Variants in CDH10 observed in about 807,000 individuals in gnomAD.
CDH10 encodes cadherin-10.
In CDH10, 30 loss-of-function variants were observed where a neutral mutation model predicts 73.1. The ratio of observed to expected loss-of-function variants is 0.41; its 90% CI spans 0.31 to 0.56. The LOEUF is 0.56. Ranked by LOEUF, CDH10 falls within the 20% of genes least tolerant of loss-of-function variation. CDH10 has a pLI of 0.27. For missense variants in CDH10, 815 were observed against 973.7 expected, an observed-to-expected ratio of 0.84 and a Z score of 2.17; for synonymous variants, 345 against 348.2, an observed-to-expected ratio of 0.99 and a Z score of 0.10.
At chr5:24,571,908 T>A (rs919878454) in intron 2 of CDH10, among the ~76,000 whole-genome samples, 1 of 151,746 alleles carries the variant, frequency 6.6e-6, no homozygotes, top group Non-Finnish European at 1.5e-5. Flanking sequence ...CAAGTAAGCA[T>A]GAGCCAGCTC....
Position 24,624,836 on chromosome 5 carries a change from C to T in CDH10, c.-124+19758G>A, listed in dbSNP as rs561334256. On this transcript the variant is annotated intron_variant, in intron 1 of 11. Transcript: ENST00000264463. ...TGCCTGCATGTTCTCACACAAAGAA[C>T]TGTATTACCTCAAAGAAATACAATA... Among the ~76,000 whole-genome samples, 5 of 152,234 alleles carry T rather than the reference C, an allele frequency of 3.3e-5. No homozygotes were observed. The East Asian group carries it at 5.8e-4, about 18-fold the overall frequency.
chr5:24,555,445 G>A (rs1744732353), intron 2 of CDH10, among the ~76,000 whole-genome samples: 1 of 152,104 alleles, frequency 6.6e-6, no homozygotes, highest in African/African-American at 2.4e-5. Flanking sequence ...AAGACACAAT[G>A]AGCTCAAACA....
intron 1 of CDH10, among the ~76,000 whole-genome samples, chr5:24,636,321 C>A (rs1197860848): frequency 6.6e-6 from 1 of 151,890 alleles, no homozygotes; most frequent in Admixed American, 6.6e-5. Context: ...TCTGGTGCCA[C>A]GATCCATGCT....
At chr5:24,523,918 A>C (rs1242753142) in intron 5 of CDH10, among the ~76,000 whole-genome samples, 3 of 152,096 alleles carry the variant, frequency 2.0e-5, no homozygotes, top group African/African-American at 7.2e-5. Context: ...TATATTGATG[A>C]TCTATCAGTT....
intron 5 of CDH10, among the ~76,000 whole-genome samples, chr5:24,514,054 T>C (rs536772104): frequency 6.6e-6 from 1 of 152,290 alleles, no homozygotes; most frequent in African/African-American, 2.4e-5. Flanking sequence ...CTGAGTGTAG[T>C]AGCCACCATA....
At chr5:24,555,091 A>C (rs1236031365) in intron 2 of CDH10, among the ~76,000 whole-genome samples, 1 of 151,914 alleles carries the variant, frequency 6.6e-6, no homozygotes, top group Non-Finnish European at 1.5e-5. Flanking sequence ...AATGTACTGT[A>C]CTTTTTCTAG....
chr5:24,634,655 C>T (rs1486495329), intron 1 of CDH10, among the ~76,000 whole-genome samples: 1 of 151,670 alleles, frequency 6.6e-6, no homozygotes, highest in Non-Finnish European at 1.5e-5. Context: ...CAAATACGAG[C>T]ATTATCTTTA....
At chr5:24,555,793 A>G (rs1441852703) in intron 2 of CDH10, among the ~76,000 whole-genome samples, 1 of 152,114 alleles carries the variant, frequency 6.6e-6, no homozygotes, top group Admixed American at 6.6e-5. Flanking sequence ...AGTGAAAAAA[A>G]GTGAGAAATC....
At chr5:24,564,831 T>C (rs1293276289) in intron 2 of CDH10, among the ~76,000 whole-genome samples, 1 of 152,178 alleles carries the variant, frequency 6.6e-6, no homozygotes, top group Admixed American at 6.5e-5. Context: ...CTCAGGATAC[T>C]TCATCTAGTA....
chr5:24,511,089 A>G (rs2111761634), intron 6 of CDH10, among the ~76,000 whole-genome samples: 1 of 152,350 alleles, frequency 6.6e-6, no homozygotes, highest in Non-Finnish European at 1.5e-5. Flanking sequence ...CACATATATT[A>G]ACTTGCCTTT....
intron 2 of CDH10, among the ~76,000 whole-genome samples, chr5:24,579,882 T>C (rs750683172): frequency 1.4e-4 from 21 of 152,100 alleles, no homozygotes; most frequent in African/African-American, 4.3e-4. Context: ...TTAAATACCA[T>C]ACAGAAGGTA....
At chr5:24,580,307 T>C (rs1745752568) in intron 2 of CDH10, among the ~76,000 whole-genome samples, 1 of 152,182 alleles carries the variant, frequency 6.6e-6, no homozygotes, top group Admixed American at 6.5e-5. Context: ...CCCTGTTAAA[T>C]ACCTTTTGTT....
intron 5 of CDH10, among the ~76,000 whole-genome samples, chr5:24,531,326 C>T (rs1743738260): frequency 2.0e-5 from 3 of 152,016 alleles, no homozygotes; most frequent in South Asian, 2.1e-4. Flanking sequence ...ATTTGTCTCC[C>T]CTGCTTTAAT....
chr5:24,628,861 CACACACACACACAG>C (rs1747603633), intron 1 of CDH10, among the ~76,000 whole-genome samples: 1 of 148,792 alleles, frequency 6.7e-6, no homozygotes, highest in African/African-American at 2.5e-5. Flanking sequence ...CACACACACA[CACACACACACACAG>C]ACACACACAC....
chr5:24,587,331 C>T (rs1214200077), intron 2 of CDH10, among the ~76,000 whole-genome samples: 1 of 152,156 alleles, frequency 6.6e-6, no homozygotes, highest in Non-Finnish European at 1.5e-5. Context: ...TAACAAACAT[C>T]CCTCTCTTTC....
intron 1 of CDH10, among the ~76,000 whole-genome samples, chr5:24,625,891 T>C (rs1747479397): frequency 6.6e-6 from 1 of 151,956 alleles, no homozygotes; most frequent in African/African-American, 2.4e-5. Context: ...AATCATGATC[T>C]GAAAAAATTT....
intron 2 of CDH10, among the ~76,000 whole-genome samples, chr5:24,585,171 C>T (rs978197933): frequency 6.6e-6 from 1 of 151,944 alleles, no homozygotes; most frequent in South Asian, 2.1e-4. Context: ...CTTAATAATA[C>T]GACTCTGAAA....
chr5:24,509,371 C>G (rs1222666411), intron 7 of CDH10, among the ~76,000 whole-genome samples, 195 bp downstream of exon 7: 1 of 150,656 alleles, frequency 6.6e-6, no homozygotes, highest in East Asian at 2.0e-4. Context: ...TCCTGAGTAG[C>G]TGGGATTACA....
intron 1 of CDH10, among the ~76,000 whole-genome samples, chr5:24,601,278 AC>A (rs901496311): frequency 6.6e-6 from 1 of 152,162 alleles, no homozygotes; most frequent in African/African-American, 2.4e-5. Context: ...GGTTAATATG[AC>A]AGATAAGGAA....
Sources: gnomAD v4.1 joint callset for allele counts (sites outside exome capture counted in the v4.1 genomes callset) on GRCh38, gnomAD v4.1.1 for gene constraint, MANE v1.5 for transcripts, NCBI Gene and HGNC (gene_info 2026-07-23, HGNC 2026-07-21) for gene names.